MAP3K5: variants seen among roughly 807,000 people sequenced by gnomAD.
MAP3K5 encodes the protein mitogen-activated protein kinase kinase kinase 5.
Under a neutral mutation model 158.7 loss-of-function variants are expected in MAP3K5, and 56 were observed. The ratio of observed to expected loss-of-function variants is 0.35; its 90% CI spans 0.28 to 0.44. MAP3K5 has a LOEUF of 0.44. MAP3K5 is among the 20% of genes least tolerant of loss of function. The pLI, the probability that MAP3K5 is intolerant of heterozygous loss-of-function variation, is 1.00. For synonymous variants in MAP3K5, 579 were observed against 601.7 expected, an observed-to-expected ratio of 0.96 and a Z score of 0.55; for missense variants, 1,294 against 1,674.8, an observed-to-expected ratio of 0.77 and a Z score of 3.97.
chr6:136,561,499 A>G (rs755289330), intron 28 of MAP3K5, 34 bp downstream of exon 28: 2 of 1,480,066 alleles, frequency 1.4e-6, no homozygotes, highest in Non-Finnish European at 9.4e-7. Context: ...AAACGAAGTG[A>G]AAGAATACTT....
chr6:136,592,803 G>C lies in MAP3K5; in HGVS notation c.2879-189C>G, dbSNP rs1368200877. ...TTGCTCAGCATAACCCATACAGCAG[G>C]GTAGCCAGGAAAGGGCCTCCCAGGC... On this transcript the variant is annotated intron_variant, in intron 21 of 29. Coordinates refer to ENST00000359015, the MANE Select transcript of MAP3K5 (RefSeq NM_005923.4). 1.2e-5 allele frequency: 8 copies of C among 668,488 alleles called. 1 individual carries two copies. Among genetic ancestry groups the C allele is most frequent in the Admixed American group, 8.0e-5 (4 of 49,722 alleles). The allele number at this position is 668,488 out of a possible 1,614,324, so 41.4% of individuals were successfully genotyped here. A position where few individuals can be genotyped will look rare whatever the true frequency, so the allele number is the denominator to read the frequency against.
intron 1 of MAP3K5, among the ~76,000 whole-genome samples, chr6:136,784,778 T>C (rs1437201547): frequency 6.6e-6 from 1 of 152,210 alleles, no homozygotes; most frequent in Admixed American, 6.5e-5. Context: ...ATTTTCTGTA[T>C]GTGAAGATCT....
chr6:136,696,028 C>T lies in MAP3K5; in HGVS notation c.1005G>A (p.Glu335=). Residue 335 remains glutamate (E), a synonymous_variant, in exon 6 of 30, where the codon GAG becomes GAA. Transcript: ENST00000359015. ...CAAAGGTTGGCAGTTTTTCTAAAGTCTCTACCAGCTTCACAATAGAATCAT... is the reference window on the plus strand; with the variant it reads ...CAAAGGTTGGCAGTTTTTCTAAAGTTTCTACCAGCTTCACAATAGAATCAT... ...QDYDSIVKLV[E]TLEKLPTFDL... is the part of the protein sequence containing the mutation. 6.2e-7 allele frequency: 1 copy of T among 1,612,268 alleles called. No homozygotes were observed. The highest frequency in any genetic ancestry group is 8.5e-7 in the Non-Finnish European group (1 of 1,178,504).
intron 10 of MAP3K5, among the ~76,000 whole-genome samples, chr6:136,652,608 C>T (rs554932583): frequency 6.6e-6 from 1 of 152,300 alleles, no homozygotes; most frequent in Non-Finnish European, 1.5e-5. Flanking sequence ...CATCATCCAA[C>T]TCTCTTCATT....
rs1343743796 is a variant in MAP3K5, at chr6:136,613,840, C to G, written c.2278+319G>C. On this transcript the variant is annotated intron_variant, in intron 16 of 29. Coordinates refer to ENST00000359015, the MANE Select transcript of MAP3K5 (RefSeq NM_005923.4). This position sits in a 1 kb window ranked among gnomAD's most constrained non-coding sequence, Gnocchi z 4.0. ...AATGACTTTGGGTAGAAGATGTTGC[C>G]ACCCTGTTAGTCTTCAGCTTATATA... Among the ~76,000 whole-genome samples the G allele has an allele frequency of 6.6e-6, 1 of 152,044 alleles. No individual in the cohort carries two copies. The highest frequency in any genetic ancestry group is 1.5e-5 in the Non-Finnish European group (1 of 68,034).
intron 1 of MAP3K5, among the ~76,000 whole-genome samples, chr6:136,739,203 A>G (rs1344770048): frequency 1.3e-5 from 2 of 152,224 alleles, no homozygotes. Flanking sequence ...GTGGCCTATC[A>G]GTAGTCAGTG....
chr6:136,776,601 G>T (rs1416575708), intron 1 of MAP3K5, among the ~76,000 whole-genome samples: 2 of 152,174 alleles, frequency 1.3e-5, no homozygotes, highest in Admixed American at 1.3e-4. Flanking sequence ...ATGAGCCACA[G>T]GTGAGGATGT....
intron 14 of MAP3K5, 124 bp from the exon 15 acceptor site, chr6:136,623,105 T>C (rs957050005): frequency 6.1e-6 from 5 of 822,756 alleles, no homozygotes; most frequent in Admixed American, 4.4e-5. Flanking sequence ...GCTGAAGTTC[T>C]AAGAAGCAGC....
intron 1 of MAP3K5, among the ~76,000 whole-genome samples, chr6:136,763,700 T>C (rs1267995484): frequency 6.6e-6 from 1 of 152,212 alleles, no homozygotes; most frequent in East Asian, 1.9e-4. Flanking sequence ...ACAGAGCTAC[T>C]GCTGTGGTTT....
At chr6:136,716,950 G>C (rs1781556855) in intron 2 of MAP3K5, among the ~76,000 whole-genome samples, 1 of 152,120 alleles carries the variant, frequency 6.6e-6, no homozygotes, top group Non-Finnish European at 1.5e-5. Context: ...TTGAGGTCAG[G>C]AGTTCAAGAC....
At chr6:136,643,884 C>G (rs953404521) in intron 11 of MAP3K5, among the ~76,000 whole-genome samples, 1 of 152,012 alleles carries the variant, frequency 6.6e-6, no homozygotes, top group Non-Finnish European at 1.5e-5. Context: ...ATCCTGTTGG[C>G]CTCAGGTGAA....
intron 1 of MAP3K5, among the ~76,000 whole-genome samples, chr6:136,722,509 G>C (rs1162629488): frequency 3.3e-5 from 5 of 152,070 alleles, no homozygotes; most frequent in African/African-American, 1.2e-4. Context: ...AAATATATGA[G>C]AAATTACTCT....
At chr6:136,641,932 G>A (rs1777962516) in intron 12 of MAP3K5, among the ~76,000 whole-genome samples, 1 of 150,690 alleles carries the variant, frequency 6.6e-6, no homozygotes, top group South Asian at 2.1e-4. Context: ...AGGTTGCAGT[G>A]AACTGAGATC....
chr6:136,792,057 C>A lies in MAP3K5; in HGVS notation c.101G>T (p.Gly34Val). Residue 34 changes from glycine (G) to valine (V), a missense_variant, in exon 1 of 30, where the codon GGA becomes GTA. By Grantham distance (109) the Gly-to-Val change is moderately radical. Transcript: ENST00000359015. This position sits in a 1 kb window ranked among gnomAD's most constrained non-coding sequence, Gnocchi z 5.7. ...CTCGCCCTCGCCCACCGCCGCCGCT[C>A]CTCCCCTCCTGCAGATGCCGCCCTC... ...IPEGGICRRG[G>V]AAAVGEGEEH... 1 of 1,556,412 alleles carries A rather than the reference C, an allele frequency of 6.4e-7. No homozygotes were observed. The highest frequency in any genetic ancestry group is 2.3e-5 in the East Asian group (1 of 43,004).
chr6:136,611,452 G>A, intron 17 of MAP3K5, 65 bp from the exon 18 acceptor site: 3 of 876,132 alleles, frequency 3.4e-6, no homozygotes, highest in South Asian at 1.7e-5. Context: ...TTGTTGACTT[G>A]GTAAGTCCAA....
intron 1 of MAP3K5, among the ~76,000 whole-genome samples, chr6:136,786,800 C>CTTTT (rs11296757): frequency 7.9e-5 from 8 of 101,180 alleles, no homozygotes; most frequent in South Asian, 3.0e-4. Context: ...TTAAGTTCTT[C>CTTTT]TTTTTTTTTT....
chr6:136,679,321 T>C (rs1447809463), intron 7 of MAP3K5, among the ~76,000 whole-genome samples: 1 of 152,220 alleles, frequency 6.6e-6, no homozygotes, highest in East Asian at 1.9e-4. Context: ...ATATGTACTT[T>C]CCAACAAAGA....
intron 2 of MAP3K5, among the ~76,000 whole-genome samples, chr6:136,711,718 T>C (rs1015459335): frequency 6.6e-6 from 1 of 151,588 alleles, no homozygotes; most frequent in Non-Finnish European, 1.5e-5. Context: ...ATACCTTCTA[T>C]CTCTCCAATC....
At chr6:136,721,522 T>G (rs1781746577) in intron 1 of MAP3K5, among the ~76,000 whole-genome samples, 1 of 152,138 alleles carries the variant, frequency 6.6e-6, no homozygotes, top group African/African-American at 2.4e-5. Context: ...AAACGAAATT[T>G]AGATTAGTCT....
Sources: allele counts gnomAD v4.1 joint callset (sites outside exome capture counted in the v4.1 genomes callset), GRCh38; gene constraint gnomAD v4.1.1; non-coding constraint Gnocchi (gnomAD v3.1); transcripts MANE v1.5; gene names NCBI Gene and HGNC (gene_info 2026-07-23, HGNC 2026-07-21).